The following SAMD4A variants were observed in gnomAD, a reference collection of about 807,000 sequenced individuals.
SAMD4A encodes sterile alpha motif domain containing 4A, also known as protein Smaug homolog 1.
SAMD4A carries 33 observed loss-of-function variants against 81.3 expected under a neutral mutation model. The observed-to-expected ratio is 0.41, with a 90% confidence interval of 0.31 to 0.54. SAMD4A has a LOEUF of 0.54. Among genes scored for constraint, SAMD4A ranks in the 20% least tolerant of loss-of-function variants. The pLI is 0.37. For missense variants in SAMD4A, 854 were observed against 951.1 expected, an observed-to-expected ratio of 0.90 and a Z score of 1.34; for synonymous variants, 389 against 382.1, an observed-to-expected ratio of 1.02 and a Z score of -0.21.
Position 54,723,785 on chromosome 14 carries a change from G to A in SAMD4A, c.716-13239G>A, listed in dbSNP as rs75033368. ...TCTTTTTGGCATCAGTATCCCTAGC[G>A]ACTAATACAGTACCTATGCAGAGAG... On this transcript the variant is annotated intron_variant, in intron 3 of 12. Coordinates refer to ENST00000554335, the MANE Select transcript of SAMD4A (RefSeq NM_015589.6). 1.9e-3 allele frequency among the ~76,000 whole-genome samples: 290 copies of A among 152,238 alleles called. 2 individuals are homozygous for A. The highest frequency in any genetic ancestry group is 6.8e-3 in the African/African-American group (282 of 41,538).
intron 2 of SAMD4A, chr14:54,652,540 CA>C (rs929626685): frequency 2.6e-5 from 4 of 152,150 alleles, no homozygotes; most frequent in Admixed American, 2.6e-4. Context: ...ATTTTTAGCC[CA>C]TTACAAATAC....
At chr14:54,575,896 C>T (rs545370812) in intron 2 of SAMD4A, among the ~76,000 whole-genome samples, 2 of 151,762 alleles carry the variant, frequency 1.3e-5, no homozygotes, top group South Asian at 2.1e-4. Flanking sequence ...TGAAGAAGGC[C>T]GGAGAATTTC....
At chr14:54,633,211 T>C (rs1009097731) in intron 2 of SAMD4A, among the ~76,000 whole-genome samples, 6 of 152,010 alleles carry the variant, frequency 3.9e-5, no homozygotes, top group South Asian at 2.1e-4. Flanking sequence ...GGATGTGACG[T>C]TGGGATTAAA....
chr14:54,593,195 T>C (rs1263734722), intron 2 of SAMD4A, among the ~76,000 whole-genome samples: 1 of 152,190 alleles, frequency 6.6e-6, no homozygotes, highest in Non-Finnish European at 1.5e-5. Flanking sequence ...TTACTGAAAA[T>C]TTAGATGATT....
chr14:54,775,412 T>C (rs1452289798), intron 10 of SAMD4A, among the ~76,000 whole-genome samples: 1 of 152,246 alleles, frequency 6.6e-6, no homozygotes, highest in Non-Finnish European at 1.5e-5. Flanking sequence ...ATTTCTTCTT[T>C]GCCCCATGCT....
intron 12 of SAMD4A, among the ~76,000 whole-genome samples, chr14:54,787,167 A>T (rs1401895145): frequency 6.6e-6 from 1 of 152,200 alleles, no homozygotes; most frequent in Admixed American, 6.5e-5. Flanking sequence ...CAATGCTTGC[A>T]ACTCAGGAAT....
chr14:54,770,696 GTCT>G (rs1261461908), intron 9 of SAMD4A, among the ~76,000 whole-genome samples: 2 of 152,198 alleles, frequency 1.3e-5, no homozygotes. Flanking sequence ...TTGGTCTGCA[GTCT>G]CATAGTGGAG....
chr14:54,568,157 C>T (rs1329325021), intron 2 of SAMD4A, 45 bp downstream of exon 2: 3 of 1,417,362 alleles, frequency 2.1e-6, no homozygotes, highest in Non-Finnish European at 2.8e-6. Context: ...TGCCCAACCC[C>T]CGCTCCTCCC....
chr14:54,672,823 G>A (rs1484852251), intron 2 of SAMD4A, among the ~76,000 whole-genome samples: 1 of 152,196 alleles, frequency 6.6e-6, no homozygotes, highest in East Asian at 1.9e-4. Flanking sequence ...ATGAAATGAT[G>A]AAGTGCAACT....
intron 2 of SAMD4A, among the ~76,000 whole-genome samples, chr14:54,607,734 G>A (rs1024884209): frequency 4.6e-5 from 7 of 152,076 alleles, no homozygotes; most frequent in Non-Finnish European, 8.8e-5. Flanking sequence ...GATTACAGGC[G>A]TGAGCCACCG....
chr14:54,603,449 G>T (rs2034114299), intron 2 of SAMD4A, among the ~76,000 whole-genome samples: 3 of 152,168 alleles, frequency 2.0e-5, no homozygotes, highest in Admixed American at 2.0e-4. Context: ...GCTACCTCTT[G>T]CTTCAAGATA....
At chr14:54,711,966 T>G (rs2037000685) in intron 3 of SAMD4A, among the ~76,000 whole-genome samples, 1 of 152,152 alleles carries the variant, frequency 6.6e-6, no homozygotes, top group Non-Finnish European at 1.5e-5. Context: ...CCCTTCACCT[T>G]TTTTCACAAG....
At chr14:54,784,776 A>G (rs1008529434) in intron 12 of SAMD4A, among the ~76,000 whole-genome samples, 156 bp downstream of exon 12, 1 of 152,092 alleles carries the variant, frequency 6.6e-6, no homozygotes, top group African/African-American at 2.4e-5. Flanking sequence ...GCCTTAGGGT[A>G]CTGTTGGACC....
chr14:54,617,110 TTTAA>T (rs2034508314), intron 2 of SAMD4A, among the ~76,000 whole-genome samples: 1 of 152,162 alleles, frequency 6.6e-6, no homozygotes, highest in South Asian at 2.1e-4. Context: ...AAATTAAATA[TTTAA>T]TTGTGTGGTG....
At chr14:54,688,156 C>T (rs78527859) in intron 2 of SAMD4A, 48,695 of 985,292 alleles carry the variant, frequency 0.049, 2,089 homozygotes, top group African/African-American at 0.2. Flanking sequence ...GCAGCTGTGC[C>T]CTCACCCCTA....
At chr14:54,656,287 G>T (rs17728293) in intron 2 of SAMD4A, among the ~76,000 whole-genome samples, 88,704 of 151,988 alleles carry the variant, frequency 0.58, 27,008 homozygotes, top group African/African-American at 0.74. Flanking sequence ...ATTACATTTA[G>T]AGTTGACTAT....
At chr14:54,639,810 A>ACAC (rs1389020026) in intron 2 of SAMD4A, among the ~76,000 whole-genome samples, 1 of 151,490 alleles carries the variant, frequency 6.6e-6, no homozygotes, top group Non-Finnish European at 1.5e-5. Flanking sequence ...AAACACACAC[A>ACAC]CACACACACA....
intron 2 of SAMD4A, among the ~76,000 whole-genome samples, chr14:54,697,562 A>G (rs1026968593): frequency 6.6e-6 from 1 of 152,110 alleles, no homozygotes; most frequent in East Asian, 1.9e-4. Context: ...AGGAAGGGAA[A>G]TGTTTAGTGG....
At chr14:54,778,184 T>TTTGCCAG (rs1208486667) in intron 11 of SAMD4A, among the ~76,000 whole-genome samples, 1 of 152,214 alleles carries the variant, frequency 6.6e-6, no homozygotes, top group Non-Finnish European at 1.5e-5. Context: ...CTGCCACTCT[T>TTTGCCAG]TTGCCAGTTC....
Sources: allele counts gnomAD v4.1 joint callset (sites outside exome capture counted in the v4.1 genomes callset), GRCh38; gene constraint gnomAD v4.1.1; transcripts MANE v1.5; gene names NCBI Gene and HGNC (gene_info 2026-07-23, HGNC 2026-07-21).